Variants in KAZN observed in about 807,000 individuals in gnomAD.
KAZN encodes kazrin, periplakin interacting protein, also known as kazrin.
Under a neutral mutation model 87.4 loss-of-function variants are expected in KAZN, and 40 were observed. The ratio of observed to expected loss-of-function variants is 0.46; its 90% CI spans 0.36 to 0.60. The LOEUF is 0.60. Among genes scored for constraint, KAZN ranks in the 20% least tolerant of loss-of-function variants. The probability of loss-of-function intolerance (pLI) is 0.00; values close to 1 mark genes in which losing one functional copy is unlikely to be tolerated. For synonymous variants in KAZN, 466 were observed against 458.3 expected (o/e 1.02, Z -0.22); for missense variants, 898 against 1,073.9 (o/e 0.84, Z 2.29).
Position 14,942,957 on chromosome 1 carries a change from G to GTAT in KAZN, c.227-17726_227-17725insATT, listed in dbSNP as rs1572885074. 2.7e-5 allele frequency among the ~76,000 whole-genome samples: 4 copies of GTAT among 150,246 alleles called. No individual in the cohort carries two copies. In the East Asian group the frequency reaches 7.8e-4, roughly 29 times the overall value. On this transcript the variant is annotated intron_variant, in intron 1 of 14. Coordinates refer to ENST00000376030, the MANE Select transcript of KAZN (RefSeq NM_201628.3). ...TCGCCCTTCTGTCTTCCTGCTTGTT[G>GTAT]TGGTCTTGTGTTATGTTGAACTGGA...
At chr1:14,300,095 A>C (rs1419168943) in intron 2 of KAZN, among the ~76,000 whole-genome samples, 1 of 152,068 alleles carries the variant, frequency 6.6e-6, no homozygotes, top group Non-Finnish European at 1.5e-5. Context: ...CTGTGGCAGG[A>C]AAGTGTTTGG....
At chr1:14,275,801 A>G (rs1028178868) in intron 2 of KAZN, among the ~76,000 whole-genome samples, 4 of 152,220 alleles carry the variant, frequency 2.6e-5, no homozygotes, top group Non-Finnish European at 1.5e-5. Context: ...GAGTGTCTCT[A>G]GAAAAGTGCT....
At chr1:14,264,198 A>C (rs1651300583) in intron 2 of KAZN, among the ~76,000 whole-genome samples, 1 of 152,172 alleles carries the variant, frequency 6.6e-6, no homozygotes, top group Non-Finnish European at 1.5e-5. Context: ...TCTAAACCTA[A>C]GTCTGCTTCT....
At chr1:14,426,633 A>T (rs2101351042) in intron 2 of KAZN, among the ~76,000 whole-genome samples, 1 of 152,268 alleles carries the variant, frequency 6.6e-6, no homozygotes, top group East Asian at 1.9e-4. Flanking sequence ...ATGCTTTCTG[A>T]TACCCAACCT....
In KAZN at chr1:14,530,279, G is replaced by A. The variant is rs114227300; in HGVS notation, c.250-68704G>A. Among the ~76,000 whole-genome samples the A allele has an allele frequency of 4.4e-3, 668 of 152,308 alleles. 5 individuals carry two copies. The highest frequency in any genetic ancestry group is 0.015 in the African/African-American group (620 of 41,566). ...CAAAGCAGACTGAGCTCACCCCAAA[G>A]AGCCCGCTCTAATCCAGGAGAGTCT... On this transcript the variant is annotated intron_variant, in intron 2 of 16. Coordinates refer to the KAZN transcript ENST00000636203.
At chr1:15,112,363 G>C in intron 13 of KAZN, 64 bp from the exon 14 acceptor site, 3 of 731,418 alleles carry the variant, frequency 4.1e-6, no homozygotes, top group Admixed American at 2.1e-5. Flanking sequence ...GTGTGTGTGT[G>C]TGTGTGTGTG....
At position 14,848,918 on chromosome 1, in the gene KAZN, G is replaced by A. The variant is rs184725467; in HGVS notation, c.227-111766G>A. Among the ~76,000 whole-genome samples the A allele has an allele frequency of 7.0e-4, 106 of 152,256 alleles. No individual in the cohort carries two copies. In the South Asian group the frequency reaches 0.02, roughly 29 times the overall value. ...GGGAAGGCTCGAAGGGAAGAGAGAG[G>A]CCCAAGTGCATGGAGCGGGGGCTGG... On this transcript the variant is annotated intron_variant, in intron 1 of 14. Coordinates refer to ENST00000376030, the MANE Select transcript of KAZN (RefSeq NM_201628.3).
At chr1:15,112,202 T>C in intron 13 of KAZN, 2 of 568,722 alleles carry the variant, frequency 3.5e-6, no homozygotes, top group East Asian at 3.0e-5. Flanking sequence ...CTCCTTTCCC[T>C]GTAATGCTGG....
rs561362616 is a variant in KAZN, at chr1:14,233,571, G to T, written c.249+52979G>T. On this transcript the variant is annotated intron_variant, in intron 2 of 16. Coordinates refer to the KAZN transcript ENST00000636203. The stretch of plus-strand genomic sequence containing the variant: ...AGGTAAGAATTATCCCCCGGAATAT[G>T]AAAGCCAAAATCAGCTGACTCTCTG... Among the ~76,000 whole-genome samples, 6 of 152,318 alleles carry T rather than the reference G, an allele frequency of 3.9e-5. No homozygotes were observed. In the East Asian group the frequency reaches 1.2e-3, roughly 29 times the overall value.
intron 1 of KAZN, among the ~76,000 whole-genome samples, chr1:13,900,861 C>G (rs55716034): frequency 6.6e-6 from 1 of 151,946 alleles, no homozygotes; most frequent in African/African-American, 2.4e-5. Context: ...TTCACAGTGC[C>G]TGACACAGAA....
At chr1:14,194,715 A>G (rs1646491178) in intron 2 of KAZN, among the ~76,000 whole-genome samples, 1 of 152,128 alleles carries the variant, frequency 6.6e-6, no homozygotes, top group Admixed American at 6.5e-5. Flanking sequence ...GCATGAGAGT[A>G]TTTTGGGATA....
chr1:14,850,952 G>A (rs1415787856), intron 1 of KAZN, among the ~76,000 whole-genome samples: 1 of 152,192 alleles, frequency 6.6e-6, no homozygotes, highest in Non-Finnish European at 1.5e-5. Flanking sequence ...CCTGCTCACA[G>A]TACCTGAGAG....
intron 1 of KAZN, among the ~76,000 whole-genome samples, chr1:14,042,665 A>AT (rs1267083346): frequency 2.0e-5 from 3 of 151,904 alleles, no homozygotes; most frequent in African/African-American, 7.3e-5. Context: ...TTGTGAATTG[A>AT]TTTTTTAGAG....
At chr1:14,115,514 C>G (rs1421454509) in intron 1 of KAZN, among the ~76,000 whole-genome samples, 1 of 152,312 alleles carries the variant, frequency 6.6e-6, no homozygotes, top group East Asian at 1.9e-4. Flanking sequence ...GTGAGATGTG[C>G]CTTTTACCTT....
At chr1:14,139,959 GTGTGTGTGTGGTATGTA>G (rs1553134100) in intron 1 of KAZN, among the ~76,000 whole-genome samples, 7,710 of 84,822 alleles carry the variant, frequency 0.091, 703 homozygotes, top group African/African-American at 0.32. Flanking sequence ...GTGTGTGTGT[GTGTGTGTGTGGTATGTA>G]TGTGTGTGTG....
intron 1 of KAZN, among the ~76,000 whole-genome samples, chr1:13,904,999 T>C (rs1373879363): frequency 2.6e-5 from 4 of 152,230 alleles, no homozygotes; most frequent in African/African-American, 9.6e-5. Flanking sequence ...TCATTAATTT[T>C]CTTTCTAGCT....
At chr1:14,585,405 C>T (rs520064) in intron 2 of KAZN, among the ~76,000 whole-genome samples, 38,712 of 152,036 alleles carry the variant, frequency 0.25, 5,762 homozygotes, top group African/African-American at 0.41. Context: ...GTGGCTAGGG[C>T]TTGGCTGGGG....
intron 2 of KAZN, among the ~76,000 whole-genome samples, chr1:14,550,335 G>GA (rs112265448): frequency 1.3e-5 from 2 of 152,108 alleles, no homozygotes; most frequent in East Asian, 1.9e-4. Flanking sequence ...TGGAACGGGG[G>GA]AAAAAAAATT....
intron 2 of KAZN, among the ~76,000 whole-genome samples, chr1:14,963,187 A>T (rs1198426850): frequency 6.6e-6 from 1 of 152,196 alleles, no homozygotes; most frequent in Non-Finnish European, 1.5e-5. Flanking sequence ...GGACGCAGAG[A>T]TCCACCCCTT....
Sources: allele counts gnomAD v4.1 joint callset (sites outside exome capture counted in the v4.1 genomes callset), GRCh38; gene constraint gnomAD v4.1.1; transcripts MANE v1.5; gene names NCBI Gene and HGNC (gene_info 2026-07-23, HGNC 2026-07-21).